Variants in CTBP1 observed in about 807,000 individuals in gnomAD.
The protein encoded by CTBP1 is C-terminal binding protein 1.
Under a neutral mutation model 42.1 loss-of-function variants are expected in CTBP1, and 11 were observed. The observed-to-expected ratio is 0.26, with a 90% CI of 0.16 to 0.43. The LOEUF (loss-of-function observed/expected upper bound fraction) is 0.43, where lower values mean the gene tolerates loss of function less well. Among genes scored for constraint, CTBP1 ranks in the 20% least tolerant of loss-of-function variants. The pLI, the probability that CTBP1 is intolerant of heterozygous loss-of-function variation, is 1.00. For missense variants in CTBP1, 399 were observed against 624.3 expected (o/e 0.64, Z 3.85); for synonymous variants, 324 against 277.1 (o/e 1.17, Z -1.68).
intron 3 of CTBP1, among the ~76,000 whole-genome samples, chr4:1,232,469 G>T (rs1333165091): frequency 6.6e-6 from 1 of 151,794 alleles, no homozygotes; most frequent in Admixed American, 6.6e-5. Flanking sequence ...GCACCACCAC[G>T]CGTGGCTAAT....
chr4:1,228,663 C>G (rs1230360340), intron 3 of CTBP1, among the ~76,000 whole-genome samples: 1 of 152,186 alleles, frequency 6.6e-6, no homozygotes, highest in Non-Finnish European at 1.5e-5. Context: ...GTGCGCCCCA[C>G]CGAGACTCTG....
At chr4:1,241,811 G>C (rs1422199722) in intron 1 of CTBP1, 1 of 1,173,688 alleles carries the variant, frequency 8.5e-7, no homozygotes, top group Non-Finnish European at 1.1e-6. Context: ...ACCCCCACAG[G>C]CTCTAGCCGC....
chr4:1,229,943 C>T (rs1730783389), intron 3 of CTBP1, among the ~76,000 whole-genome samples: 1 of 152,144 alleles, frequency 6.6e-6, no homozygotes, highest in South Asian at 2.1e-4. Flanking sequence ...CTAGCCTGGG[C>T]ATTCTCCAGG....
rs1238469167 is a variant in CTBP1, at chr4:1,233,490, C to T, written c.162+4693G>A. The stretch of plus-strand genomic sequence containing the variant: ...CCCGGAGCCGCCCTGCCGCTCCAGG[C>T]CCCGCAGCCCACACCGGACGCAGCC... On this transcript the variant is annotated intron_variant, in intron 3 of 9. Transcript: ENST00000382952. This position sits in a 1 kb window ranked among gnomAD's most constrained non-coding sequence, Gnocchi z 4.6. 6.6e-6 allele frequency among the ~76,000 whole-genome samples: 1 copy of T among 152,236 alleles called. No homozygotes were observed. Among genetic ancestry groups the T allele is most frequent in the African/African-American group, 2.4e-5 (1 of 41,468 alleles).
chr4:1,212,022 C>G lies in CTBP1; in HGVS notation c.*218G>C. ...ATGGGAGAATAACTACTGACTTCTT[C>G]TGCTTAACGAGGAACGCGAAGGACA... On this transcript the variant is annotated 3_prime_UTR_variant, in exon 10 of 10. Coordinates refer to ENST00000382952, the MANE Select transcript of CTBP1 (RefSeq NM_001012614.2). The G allele has an allele frequency of 2.5e-6, 1 of 396,014 alleles. No individual in the cohort carries two copies. The highest frequency in any genetic ancestry group is 4.5e-6 in the Non-Finnish European group (1 of 224,592). The allele number at this position is 396,014 out of a possible 1,614,324, so 24.5% of individuals were successfully genotyped here. A position where few individuals can be genotyped will look rare whatever the true frequency, so the allele number is the denominator to read the frequency against.
rs1489583374 is a variant in CTBP1 at position 1,233,655 on chromosome 4, C to A, written c.162+4528G>T. 1.3e-5 allele frequency among the ~76,000 whole-genome samples: 2 copies of A among 152,154 alleles called. No individual in the cohort carries two copies. Among genetic ancestry groups the A allele is most frequent in the Non-Finnish European group, 2.9e-5 (2 of 68,036 alleles). On this transcript the variant is annotated intron_variant, in intron 3 of 9. Transcript: ENST00000382952. The surrounding 1 kb of genome is among the most constrained non-coding windows in gnomAD (Gnocchi z 4.6). ...GTCTTGTGTCCCGGTGGGTGACATC[C>A]CCCACCCGTGGTATCAGTAAAATCC...
At position 1,236,886 on chromosome 4, in the gene CTBP1, G is replaced by T. The variant is rs535313231; in HGVS notation, c.162+1297C>A. ...TGATGGGGCTCAGGGCAAACCGAATGTCCACCTCCTGATGGGGCTCAGGGC... is the reference window on the plus strand; with the variant it reads ...TGATGGGGCTCAGGGCAAACCGAATTTCCACCTCCTGATGGGGCTCAGGGC... On this transcript the variant is annotated intron_variant, in intron 3 of 9. Transcript: ENST00000382952. The T allele has an allele frequency of 7.6e-4, 495 of 649,790 alleles. 2 individuals carry two copies. The highest frequency in any genetic ancestry group is 7.5e-3 in the African/African-American group (394 of 52,760). The allele number at this position is 649,790 out of a possible 1,614,324, so 40.3% of individuals were successfully genotyped here.
chr4:1,244,478 G>C, intron 1 of CTBP1: 1 of 985,082 alleles, frequency 1.0e-6, no homozygotes, highest in Non-Finnish European at 1.2e-6. Flanking sequence ...ACCCAGGCTC[G>C]GCAGCTACCA....
At chr4:1,243,168 C>A (rs1019317650) in intron 1 of CTBP1, 1 of 985,348 alleles carries the variant, frequency 1.0e-6, no homozygotes, top group East Asian at 1.1e-4. Context: ...CAGCATGGCA[C>A]CAGCCGCTGC....
intron 8 of CTBP1, 115 bp from the exon 9 acceptor site, chr4:1,213,145 G>A: frequency 3.2e-6 from 3 of 949,754 alleles, no homozygotes; most frequent in East Asian, 2.4e-5. Flanking sequence ...CTCCCTCTCA[G>A]CCCCGGGGCT....
In CTBP1 at chr4:1,238,026, C is replaced by T. The variant is rs767278558; in HGVS notation, c.162+157G>A. 8 of 970,622 alleles carry T rather than the reference C, an allele frequency of 8.2e-6. No homozygotes were observed. Among genetic ancestry groups the T allele is most frequent in the African/African-American group, 6.4e-5 (4 of 62,268 alleles). The allele number at this position is 970,622 out of a possible 1,614,324, so 60.1% of individuals were successfully genotyped here. A position where few individuals can be genotyped will look rare whatever the true frequency, so the allele number is the denominator to read the frequency against. On this transcript the variant is annotated intron_variant, in intron 3 of 9. Transcript: ENST00000382952. The surrounding 1 kb of genome is among the most constrained non-coding windows in gnomAD (Gnocchi z 5.9). ...TCCTGATGGTGTCCAGGGAAAACCCCGTGTCCACCTCCTGACGGCGCGGGA... is the reference window on the plus strand; with the variant it reads ...TCCTGATGGTGTCCAGGGAAAACCCTGTGTCCACCTCCTGACGGCGCGGGA...
intron 1 of CTBP1, among the ~76,000 whole-genome samples, chr4:1,247,868 C>T (rs1304882957): frequency 1.3e-5 from 2 of 152,242 alleles, no homozygotes; most frequent in African/African-American, 4.8e-5. Context: ...CACCTCCCCA[C>T]TCAGGGCACC....
intron 5 of CTBP1, among the ~76,000 whole-genome samples, chr4:1,224,471 G>A (rs1004882582): frequency 6.6e-6 from 1 of 151,840 alleles, no homozygotes; most frequent in South Asian, 2.1e-4. Context: ...CATGAGGCCT[G>A]TGTGTGCTGT....
chr4:1,245,090 G>C (rs1732578269), intron 1 of CTBP1: 1 of 984,228 alleles, frequency 1.0e-6, no homozygotes, highest in Non-Finnish European at 1.2e-6. Context: ...CCCACAGGTT[G>C]AAACAGCTCC....
chr4:1,246,252 G>A (rs1042757294), intron 1 of CTBP1, among the ~76,000 whole-genome samples: 3 of 152,024 alleles, frequency 2.0e-5, no homozygotes, highest in Non-Finnish European at 4.4e-5. Context: ...AACATCCAGC[G>A]ACCACCAGAG....
chr4:1,236,514 G>A, intron 3 of CTBP1: 1 of 598,476 alleles, frequency 1.7e-6, no homozygotes, highest in Admixed American at 2.8e-5. Flanking sequence ...AATGAATCAA[G>A]AAGCCACAGG....
Position 1,227,396 on chromosome 4 carries a change from CTGTG to C in CTBP1, c.307+799_307+802del, listed in dbSNP as rs1293399800. ...ATGCACGGCTGCAGATGTGCGTGTT[CTGTG>C]TGTGTTCTGTGTGCTGAGTGTGCGT... On this transcript the variant is annotated intron_variant, in intron 4 of 9. Coordinates refer to ENST00000382952, the MANE Select transcript of CTBP1 (RefSeq NM_001012614.2). Among the ~76,000 whole-genome samples, 14 of 133,196 alleles carry C rather than the reference CTGTG, an allele frequency of 1.1e-4. 1 individual carries two copies. The highest frequency in any genetic ancestry group is 2.9e-5 in the African/African-American group (1 of 34,308). 87.4% of individuals were successfully genotyped at this position (133,196 alleles called of 152,430 possible). A position where few individuals can be genotyped will look rare whatever the true frequency, so the allele number is the denominator to read the frequency against.
intron 2 of CTBP1, among the ~76,000 whole-genome samples, chr4:1,239,415 G>A (rs774550655): frequency 1.4e-4 from 21 of 152,218 alleles, no homozygotes; most frequent in Non-Finnish European, 2.6e-4. Context: ...CCAGCAGGAG[G>A]GGAGGCGCAC....
intron 1 of CTBP1, among the ~76,000 whole-genome samples, chr4:1,247,041 A>T (rs1276640458): frequency 6.6e-6 from 1 of 152,108 alleles, no homozygotes; most frequent in East Asian, 1.9e-4. Context: ...CATCAGAGGG[A>T]CAGGACCAGC....
Sources: gnomAD v4.1 joint callset for allele counts (sites outside exome capture counted in the v4.1 genomes callset) on GRCh38, gnomAD v4.1.1 for gene constraint, Gnocchi (gnomAD v3.1) non-coding constraint, MANE v1.5 for transcripts, NCBI Gene and HGNC (gene_info 2026-07-23, HGNC 2026-07-21) for gene names.